The following DIDO1 variants were observed in gnomAD, a reference collection of about 807,000 sequenced individuals.
The protein encoded by DIDO1 is death inducer-obliterator 1.
In DIDO1, 16 loss-of-function variants were observed where a neutral mutation model predicts 99.4. The observed-to-expected ratio is 0.16, with a 90% CI of 0.11 to 0.24. DIDO1 has a LOEUF of 0.24. Ranked by LOEUF, DIDO1 falls within the 10% of genes least tolerant of loss-of-function variation. The pLI, the probability that DIDO1 is intolerant of heterozygous loss-of-function variation, is 1.00. For synonymous variants in DIDO1, 1,366 were observed against 1,239.1 expected, an observed-to-expected ratio of 1.10 and a Z score of -2.15; for missense variants, 2,996 against 3,014.0, an observed-to-expected ratio of 0.99 and a Z score of 0.14.
chr20:62,914,626 G>A (rs1272265673), intron 1 of DIDO1, among the ~76,000 whole-genome samples: 1 of 152,164 alleles, frequency 6.6e-6, no homozygotes, highest in African/African-American at 2.4e-5. Context: ...AAGGGGCCGG[G>A]GCAGCGCAGG....
At chr20:62,903,330 A>T (rs1014842741) in intron 6 of DIDO1, among the ~76,000 whole-genome samples, 2 of 152,188 alleles carry the variant, frequency 1.3e-5, no homozygotes, top group African/African-American at 4.8e-5. Context: ...GAAGGACAGG[A>T]GGGTGCCTAG....
At chr20:62,903,884 A>AC (rs2064741483) in intron 6 of DIDO1, among the ~76,000 whole-genome samples, 1 of 152,056 alleles carries the variant, frequency 6.6e-6, no homozygotes, top group Non-Finnish European at 1.5e-5. Context: ...AGGTCAGAGT[A>AC]CCCCGCTATG....
In DIDO1 at chr20:62,881,080, G is replaced by A. The variant is rs891686591; in HGVS notation, c.4876C>T (p.Pro1626Ser). 1 of 1,609,070 alleles carries A rather than the reference G, an allele frequency of 6.2e-7. No homozygotes were observed. Among genetic ancestry groups the A allele is most frequent in the Admixed American group, 1.7e-5 (1 of 59,842 alleles). ...CAGCCGTCCTGCTCGGACCCCGCTGGGGGCTTTTCGCCCGAAGCCCAGGGG... is the reference window on the plus strand; with the variant it reads ...CAGCCGTCCTGCTCGGACCCCGCTGAGGGCTTTTCGCCCGAAGCCCAGGGG... Reference protein sequence around the residue: ...SSPWASGEKPPAGSEQDGWKA... With the variant: ...SSPWASGEKPSAGSEQDGWKA... Residue 1626 changes from proline (P) to serine (S), a missense_variant, in exon 16 of 16, where the codon CCA (proline) becomes TCA (serine). Coordinates refer to ENST00000395343, the MANE Select transcript of DIDO1 (RefSeq NM_001193369.2). This position sits in a 1 kb window ranked among gnomAD's most constrained non-coding sequence, Gnocchi z 8.3.
intron 1 of DIDO1, chr20:62,937,689 C>A: frequency 2.7e-6 from 1 of 372,592 alleles, no homozygotes; most frequent in Non-Finnish European, 4.5e-6. Context: ...GGCCGCCGGT[C>A]GGGAGGGGAC....
In DIDO1 at chr20:62,880,040, G is replaced by C; in HGVS notation, c.5916C>G (p.Val1972=). ...IQPQQFEDQR[V]HSPPRFTNQR... ...GGTTTGTGAATCTTGGTGGTGAATG[G>C]ACCCTCTGGTCTTCGAACTGCTGAG... The change falls in exon 16 of 16, where the codon GTC becomes GTG. Residue 1972 remains valine (V), a synonymous_variant. Coordinates refer to ENST00000395343, the MANE Select transcript of DIDO1 (RefSeq NM_001193369.2). The C allele has an allele frequency of 6.2e-7, 1 of 1,611,246 alleles. No individual in the cohort carries two copies. The highest frequency in any genetic ancestry group is 8.5e-7 in the Non-Finnish European group (1 of 1,179,990).
intron 6 of DIDO1, among the ~76,000 whole-genome samples, chr20:62,899,101 G>A (rs569039763): frequency 6.6e-6 from 1 of 152,318 alleles, no homozygotes; most frequent in East Asian, 1.9e-4. Context: ...CCGGCAGGAG[G>A]CTGACACCAG....
At chr20:62,918,999 T>TGGCTG (rs1282400955) in intron 1 of DIDO1, among the ~76,000 whole-genome samples, 5 of 152,178 alleles carry the variant, frequency 3.3e-5, no homozygotes, top group Admixed American at 6.5e-5. Flanking sequence ...AAATGCGACG[T>TGGCTG]GTTCTCCAGC....
In DIDO1 at chr20:62,910,941, C is replaced by A; in HGVS notation, c.672G>T (p.Gly224=). The A allele has an allele frequency of 6.8e-6, 11 of 1,614,202 alleles. No homozygotes were observed. The highest frequency in any genetic ancestry group is 9.3e-6 in the Non-Finnish European group (11 of 1,180,044). ...CATCTTTCCCAGCCTGGGACACAAC[C>A]CCCTGATCGTTCTCGGGCTCCTGCT... is the stretch of plus-strand genomic sequence containing the variant. ...PSKQEPENDQ[G]VVSQAGKDDR... Residue 224 remains glycine, a synonymous_variant, in exon 3 of 16, where the codon GGG becomes GGT. Coordinates refer to ENST00000395343, the MANE Select transcript of DIDO1 (RefSeq NM_001193369.2).
At chr20:62,922,100 CTA>C (rs1555851690) in intron 1 of DIDO1, among the ~76,000 whole-genome samples, 16 of 69,570 alleles carry the variant, frequency 2.3e-4, no homozygotes, top group African/African-American at 5.2e-4. Flanking sequence ...TATATACACA[CTA>C]TATATATACA....
chr20:62,884,411 A>G (rs1302578923), intron 15 of DIDO1, among the ~76,000 whole-genome samples: 2 of 152,200 alleles, frequency 1.3e-5, no homozygotes, highest in African/African-American at 4.8e-5. Flanking sequence ...ACGTAACACT[A>G]TGTGAGATTA....
intron 15 of DIDO1, chr20:62,888,294 G>A: frequency 1.0e-6 from 1 of 985,486 alleles, no homozygotes; most frequent in Non-Finnish European, 1.2e-6. Context: ...TTTTCTGCGT[G>A]AATCTCTACC....
At chr20:62,898,526 T>C (rs1050929813) in intron 6 of DIDO1, among the ~76,000 whole-genome samples, 1 of 152,256 alleles carries the variant, frequency 6.6e-6, no homozygotes, top group Non-Finnish European at 1.5e-5. Context: ...AAGATTTCCA[T>C]GTGTTCTTTC....
In DIDO1 at chr20:62,894,281, C is replaced by A; in HGVS notation, c.2573-87G>T. 1.9e-6 allele frequency: 3 copies of A among 1,573,472 alleles called. No individual in the cohort carries two copies. The highest frequency in any genetic ancestry group is 2.3e-5 in the South Asian group (2 of 86,830). On this transcript the variant is annotated intron_variant, in intron 11 of 15. Coordinates refer to ENST00000395343, the MANE Select transcript of DIDO1 (RefSeq NM_001193369.2). The surrounding 1 kb of genome is among the most constrained non-coding windows in gnomAD (Gnocchi z 4.4). ...AAAGCCGAAAGCAATACTCTAAAGGCAGGGCAGGAAATCATTCTGGCCCTT... is the reference window on the plus strand; with the variant it reads ...AAAGCCGAAAGCAATACTCTAAAGGAAGGGCAGGAAATCATTCTGGCCCTT...
chr20:62,925,132 CACTAAAGAGCCCTA>C (rs1289796361), intron 1 of DIDO1, among the ~76,000 whole-genome samples: 4 of 152,126 alleles, frequency 2.6e-5, no homozygotes, highest in African/African-American at 9.7e-5. Flanking sequence ...CCCAAAGGGC[CACTAAAGAGCCCTA>C]GGCTCCAGGT....
intron 1 of DIDO1, among the ~76,000 whole-genome samples, chr20:62,923,570 TG>T (rs752336817): frequency 4.6e-5 from 7 of 152,216 alleles, no homozygotes; most frequent in Non-Finnish European, 1.0e-4. Flanking sequence ...GCCAGGGCAG[TG>T]GCCACAGCCT....
Position 62,879,849 on chromosome 20 carries a change from T to C in DIDO1, c.6107A>G (p.His2036Arg). Reference sequence around the variant, plus strand: ...GGCCTCCTCCCAGCGGTCCTTCCGGTGCTGCGGGGGGTGGCTGGGAAGCTC... The same window carrying C: ...GGCCTCCTCCCAGCGGTCCTTCCGGCGCTGCGGGGGGTGGCTGGGAAGCTC... Reference protein sequence around the residue: ...LLELPSHPPQHRKDRWEEAGP... With the variant: ...LLELPSHPPQRRKDRWEEAGP... The change falls in exon 16 of 16, where the codon CAC becomes CGC. Residue 2036 changes from histidine to arginine, a missense_variant. Around this residue, in one of 5 missense-constraint regions of DIDO1, gnomAD observed 1,562 missense variants for 1,412.6 expected, o/e 1.11. Coordinates refer to ENST00000395343, the MANE Select transcript of DIDO1 (RefSeq NM_001193369.2). The surrounding 1 kb of genome is among the most constrained non-coding windows in gnomAD (Gnocchi z 6.3). 1 of 1,601,600 alleles carries C rather than the reference T, an allele frequency of 6.2e-7. No individual in the cohort carries two copies. Among genetic ancestry groups the C allele is most frequent in the Non-Finnish European group, 8.5e-7 (1 of 1,174,804 alleles).
intron 6 of DIDO1, among the ~76,000 whole-genome samples, chr20:62,899,338 T>G (rs2076491240): frequency 6.6e-6 from 1 of 152,256 alleles, no homozygotes; most frequent in South Asian, 2.1e-4. Flanking sequence ...CTGTGTGCTG[T>G]GACCTGAACG....
chr20:62,926,200 G>A (rs1409388580), intron 1 of DIDO1, among the ~76,000 whole-genome samples: 16 of 151,740 alleles, frequency 1.1e-4, no homozygotes, highest in Non-Finnish European at 2.2e-4. Flanking sequence ...GCCCACCAGG[G>A]CCGGCGTCTG....
chr20:62,893,706 CAGG>C lies in DIDO1; in HGVS notation c.3058_3060del (p.Pro1020del). ...GGAGGAACTGACAGGTATCTTGGGT[CAGG>C]AGATGAGGATGGCTTAGCTAGTATG... On this transcript the variant is annotated inframe_deletion, in exon 12 of 16. Coordinates refer to ENST00000395343, the MANE Select transcript of DIDO1 (RefSeq NM_001193369.2). The C allele has an allele frequency of 6.2e-7, 1 of 1,609,666 alleles. No individual in the cohort carries two copies. The highest frequency in any genetic ancestry group is 8.5e-7 in the Non-Finnish European group (1 of 1,176,262).
Sources: allele counts gnomAD v4.1 joint callset (sites outside exome capture counted in the v4.1 genomes callset), GRCh38; gene constraint gnomAD v4.1.1; regional missense constraint gnomAD v4.1.1; non-coding constraint Gnocchi (gnomAD v3.1); transcripts MANE v1.5; gene names NCBI Gene and HGNC (gene_info 2026-07-23, HGNC 2026-07-21).